PTPRT: variants seen among roughly 807,000 people sequenced by gnomAD.
PTPRT encodes receptor-type tyrosine-protein phosphatase T.
Under a neutral mutation model 176.8 loss-of-function variants are expected in PTPRT, and 56 were observed. The ratio of observed to expected loss-of-function variants is 0.32; its 90% CI spans 0.26 to 0.40. The LOEUF (loss-of-function observed/expected upper bound fraction) is 0.40. Among genes scored for constraint, PTPRT ranks in the 10% least tolerant of loss-of-function variants. The probability of loss-of-function intolerance (pLI) is 1.00; values close to 1 mark genes in which losing one functional copy is unlikely to be tolerated. For missense variants in PTPRT, 1,540 were observed against 1,908.2 expected (o/e 0.81, Z 3.60); for synonymous variants, 783 against 739.0 (o/e 1.06, Z -0.96).
At chr20:42,505,510 C>T (rs771819840) in intron 7 of PTPRT, among the ~76,000 whole-genome samples, 1 of 152,070 alleles carries the variant, frequency 6.6e-6, no homozygotes, top group Non-Finnish European at 1.5e-5. Context: ...TCATGTTGGT[C>T]AGGCTGGTTT....
At chr20:42,827,948 T>A (rs768363228) in intron 2 of PTPRT, among the ~76,000 whole-genome samples, 11 of 152,182 alleles carry the variant, frequency 7.2e-5, no homozygotes, top group Non-Finnish European at 1.5e-4. Flanking sequence ...TTATCAGCAG[T>A]GTGAGAATGG....
At chr20:42,820,608 C>T (rs1195347788) in intron 2 of PTPRT, among the ~76,000 whole-genome samples, 1 of 151,662 alleles carries the variant, frequency 6.6e-6, no homozygotes, top group Non-Finnish European at 1.5e-5. Flanking sequence ...AAAAAATCTC[C>T]AAATAATCAA....
intron 6 of PTPRT, among the ~76,000 whole-genome samples, chr20:42,735,582 A>G (rs1478314110): frequency 6.6e-6 from 1 of 152,174 alleles, no homozygotes; most frequent in Non-Finnish European, 1.5e-5. Flanking sequence ...AGTCTTTTTC[A>G]GTAGCCCTGT....
intron 1 of PTPRT, among the ~76,000 whole-genome samples, chr20:43,028,941 A>T (rs1986027770): frequency 6.6e-6 from 1 of 152,156 alleles, no homozygotes; most frequent in Non-Finnish European, 1.5e-5. Context: ...GGCTTCTCAG[A>T]GTCAATTCTT....
At chr20:42,933,086 G>A (rs1979966379) in intron 1 of PTPRT, among the ~76,000 whole-genome samples, 1 of 152,002 alleles carries the variant, frequency 6.6e-6, no homozygotes, top group Non-Finnish European at 1.5e-5. Flanking sequence ...TGGCCCTCAG[G>A]CTCTTTCTGG....
chr20:43,098,547 C>CTTTTTTTTTTT (rs752767685), intron 1 of PTPRT, among the ~76,000 whole-genome samples: 3 of 141,894 alleles, frequency 2.1e-5, no homozygotes, highest in Non-Finnish European at 3.1e-5. Flanking sequence ...TCTTTTTTTT[C>CTTTTTTTTTTT]TTTTTTTTTT....
intron 1 of PTPRT, among the ~76,000 whole-genome samples, chr20:43,065,718 G>A (rs139710214): frequency 6.6e-5 from 10 of 152,308 alleles, no homozygotes; most frequent in African/African-American, 2.2e-4. Flanking sequence ...TATCTGAAAG[G>A]AGAGGCTCAC....
Position 42,905,500 on chromosome 20 carries a change from A to T in PTPRT, c.89-19568T>A, listed in dbSNP as rs1044290340. Among the ~76,000 whole-genome samples the T allele has an allele frequency of 1.5e-4, 23 of 152,328 alleles. No individual in the cohort carries two copies. The East Asian group carries it at 4.4e-3, about 29-fold the overall frequency. On this transcript the variant is annotated intron_variant, in intron 1 of 30. Transcript: ENST00000373187. ...TAAATTAGTTCAACCATTGTGGAAG[A>T]CAGTGTGGCGATTCCTCAAGGATCT...
intron 5 of PTPRT, 101 bp from the exon 6 acceptor site, chr20:42,756,737 T>G: frequency 9.5e-7 from 1 of 1,049,202 alleles, no homozygotes; most frequent in South Asian, 1.9e-5. Context: ...CCCCTGGGGC[T>G]CAAGACTTTC....
At chr20:42,212,643 C>G (rs1157096146) in intron 15 of PTPRT, among the ~76,000 whole-genome samples, 1 of 152,136 alleles carries the variant, frequency 6.6e-6, no homozygotes, top group South Asian at 2.1e-4. Context: ...CAGTTTCCTC[C>G]TGCCTGTAAA....
At chr20:42,348,457 T>C (rs1441982072) in intron 11 of PTPRT, among the ~76,000 whole-genome samples, 1 of 151,652 alleles carries the variant, frequency 6.6e-6, no homozygotes, top group African/African-American at 2.4e-5. Context: ...TCCTAGGAGG[T>C]GGTATAGTAT....
chr20:43,020,381 T>C (rs1032646121), intron 1 of PTPRT, among the ~76,000 whole-genome samples: 10 of 151,966 alleles, frequency 6.6e-5, no homozygotes, highest in Non-Finnish European at 1.2e-4. Flanking sequence ...TATTTATACG[T>C]AGGGAAACAG....
chr20:42,256,978 CTT>C (rs2056653101), intron 13 of PTPRT, among the ~76,000 whole-genome samples: 1 of 152,156 alleles, frequency 6.6e-6, no homozygotes, highest in Non-Finnish European at 1.5e-5. Flanking sequence ...TTTACCATCT[CTT>C]ATTAAAGTCT....
At chr20:42,249,855 C>T (rs544934861) in intron 13 of PTPRT, among the ~76,000 whole-genome samples, 2 of 152,338 alleles carry the variant, frequency 1.3e-5, no homozygotes, top group South Asian at 4.1e-4. Context: ...TTATTTCAGA[C>T]ATTCTAGAGA....
chr20:42,303,890 G>A (rs1762070723), intron 12 of PTPRT, among the ~76,000 whole-genome samples: 1 of 152,160 alleles, frequency 6.6e-6, no homozygotes, highest in African/African-American at 2.4e-5. Context: ...TTTGCTGATA[G>A]GAAAGATGCA....
At chr20:42,451,059 G>C (rs2070818571) in intron 8 of PTPRT, among the ~76,000 whole-genome samples, 1 of 152,130 alleles carries the variant, frequency 6.6e-6, no homozygotes. Flanking sequence ...GGACAGCTTT[G>C]TGAGGTTGAG....
At chr20:43,027,561 G>T (rs552172278) in intron 1 of PTPRT, among the ~76,000 whole-genome samples, 1 of 152,152 alleles carries the variant, frequency 6.6e-6, no homozygotes, top group Admixed American at 6.5e-5. Context: ...CAGAGAGAGA[G>T]ACAGCAGGGA....
chr20:42,995,040 G>A (rs528218268), intron 1 of PTPRT, among the ~76,000 whole-genome samples: 1 of 152,318 alleles, frequency 6.6e-6, no homozygotes, highest in Non-Finnish European at 1.5e-5. Context: ...TTTGTTTAGG[G>A]AAACATCCTA....
At chr20:42,554,294 CT>C (rs1357128398) in intron 7 of PTPRT, among the ~76,000 whole-genome samples, 1 of 152,002 alleles carries the variant, frequency 6.6e-6, no homozygotes, top group Non-Finnish European at 1.5e-5. Context: ...TACTGAAATT[CT>C]TAAAAAAAAA....
Sources: allele counts gnomAD v4.1 joint callset (sites outside exome capture counted in the v4.1 genomes callset), GRCh38; gene constraint gnomAD v4.1.1; transcripts MANE v1.5; gene names NCBI Gene and HGNC (gene_info 2026-07-23, HGNC 2026-07-21).